The following PKHD1 variants were observed in gnomAD, a reference collection of about 807,000 sequenced individuals.
PKHD1 encodes the protein fibrocystin.
PKHD1 carries 291 observed loss-of-function variants against 412.0 expected under a neutral mutation model. The observed-to-expected ratio is 0.71, with a 90% CI of 0.64 to 0.78. The LOEUF (loss-of-function observed/expected upper bound fraction) is 0.78, where lower values mean the gene tolerates loss of function less well. Among genes scored for constraint, PKHD1 ranks in the 30% least tolerant of loss-of-function variants. PKHD1 has a pLI of 0.00. For synonymous variants in PKHD1, 1,777 were observed against 1,821.5 expected (o/e 0.98, Z 0.62); for missense variants, 4,825 against 4,950.7 (o/e 0.97, Z 0.76).
chr6:51,671,787 G>T (rs974488684), intron 60 of PKHD1, among the ~76,000 whole-genome samples: 17 of 152,118 alleles, frequency 1.1e-4, no homozygotes, highest in Non-Finnish European at 2.9e-5. Context: ...TCAGCTGCAG[G>T]TCTGTTGGGG....
chr6:52,082,471 C>T lies in PKHD1; in HGVS notation c.202G>A (p.Val68Met). The change falls in exon 4 of 67, where the codon GTG (valine) becomes ATG (methionine). Residue 68 changes from valine (V) to methionine (M), a missense_variant. Transcript: ENST00000371117. ...GGAACACTCCGCAGTGCGGGCACCACCATGTTCACGTTCACCAGGTGTATC... is the reference window on the plus strand; with the variant it reads ...GGAACACTCCGCAGTGCGGGCACCATCATGTTCACGTTCACCAGGTGTATC... ...LEIHLVNVNM[V>M]VPALRSVPCD... The T allele has an allele frequency of 6.2e-7, 1 of 1,614,046 alleles. No homozygotes were observed. Among genetic ancestry groups the T allele is most frequent in the Non-Finnish European group, 8.5e-7 (1 of 1,179,910 alleles).
chr6:51,788,941 A>C (rs939980041), intron 53 of PKHD1, among the ~76,000 whole-genome samples: 2 of 152,140 alleles, frequency 1.3e-5, no homozygotes, highest in African/African-American at 4.8e-5. Context: ...CCAGAGGTTG[A>C]CTTGCTTAAG....
chr6:51,771,469 A>C (rs1465662679), intron 55 of PKHD1, among the ~76,000 whole-genome samples: 3 of 152,044 alleles, frequency 2.0e-5, no homozygotes, highest in African/African-American at 7.2e-5. Flanking sequence ...AAGTACAAAA[A>C]TTAGCTGGGC....
At chr6:51,859,525 C>CAA (rs10638642) in intron 48 of PKHD1, among the ~76,000 whole-genome samples, 2,309 of 114,526 alleles carry the variant, frequency 0.02, 51 homozygotes, top group Middle Eastern at 0.038. Context: ...GATTCCGTCC[C>CAA]AAAAAAAAAA....
At chr6:51,737,721 TGTGTGA>T (rs1251146645) in intron 60 of PKHD1, among the ~76,000 whole-genome samples, 3 of 129,754 alleles carry the variant, frequency 2.3e-5, no homozygotes, top group South Asian at 2.4e-4. Flanking sequence ...TGTTTGTGTG[TGTGTGA>T]GTGTGTGTGT....
intron 64 of PKHD1, among the ~76,000 whole-genome samples, chr6:51,633,312 A>T (rs889249451): frequency 2.0e-5 from 3 of 152,164 alleles, no homozygotes; most frequent in Non-Finnish European, 4.4e-5. Flanking sequence ...AACTCCTCCC[A>T]TTTATGGAGA....
At chr6:51,938,591 T>C (rs2127789629) in intron 36 of PKHD1, among the ~76,000 whole-genome samples, 1 of 149,228 alleles carries the variant, frequency 6.7e-6, no homozygotes, top group South Asian at 2.1e-4. Flanking sequence ...TCACTGACTC[T>C]CTTTTCGGAC....
chr6:52,046,947 T>C (rs928748635), intron 23 of PKHD1, among the ~76,000 whole-genome samples: 4 of 152,250 alleles, frequency 2.6e-5, no homozygotes. Context: ...TTCTACCTAC[T>C]CAAGAGCATT....
intron 54 of PKHD1, among the ~76,000 whole-genome samples, 177 bp from the exon 55 acceptor site, chr6:51,772,966 A>AT (rs1488521733): frequency 2.0e-5 from 3 of 152,180 alleles, no homozygotes; most frequent in African/African-American, 7.2e-5. Context: ...ACTAAGATAT[A>AT]TCTCACATGG....
intron 55 of PKHD1, among the ~76,000 whole-genome samples, chr6:51,759,048 A>C (rs529149484): frequency 3.3e-5 from 5 of 152,254 alleles, no homozygotes; most frequent in Non-Finnish European, 7.4e-5. Context: ...ATGGCCACAG[A>C]TTTCTGAACT....
rs372237844 is a variant in PKHD1, at chr6:51,668,089, A to G, written c.10157-8120T>C. ...TTTTTCCAATTCTGTGAAGAAAGTC[A>G]TTGGTAGCTTGATGAGGATGGCACT... On this transcript the variant is annotated intron_variant, in intron 60 of 66. Coordinates refer to ENST00000371117, the MANE Select transcript of PKHD1 (RefSeq NM_138694.4). Among the ~76,000 whole-genome samples, 81 of 152,252 alleles carry G rather than the reference A, an allele frequency of 5.3e-4. 1 individual carries two copies. In the East Asian group the frequency reaches 0.013, roughly 25 times the overall value.
rs770796685 is a variant in PKHD1 at position 52,058,308 on chromosome 6, G to A, written c.1512+15C>T. The A allele has an allele frequency of 1.9e-6, 3 of 1,613,730 alleles. No homozygotes were observed. The highest frequency in any genetic ancestry group is 2.5e-6 in the Non-Finnish European group (3 of 1,179,846). ...TCCAGAGTTCAGCTCCATGGGACTG[G>A]AAAGAGACACAGACCTGTACTTCTG... On this transcript the variant is annotated intron_variant, in intron 16 of 66. Coordinates refer to ENST00000371117, the MANE Select transcript of PKHD1 (RefSeq NM_138694.4).
chr6:51,784,499 C>T (rs904897417), intron 53 of PKHD1, among the ~76,000 whole-genome samples: 3 of 152,096 alleles, frequency 2.0e-5, no homozygotes, highest in African/African-American at 7.2e-5. Context: ...GGGAATTTTC[C>T]AGAAATTGTA....
chr6:51,750,248 C>T (rs1429945997), intron 57 of PKHD1, among the ~76,000 whole-genome samples: 5 of 152,126 alleles, frequency 3.3e-5, no homozygotes, highest in Admixed American at 3.3e-4. Context: ...ATGGTGTGGA[C>T]ATATTCACAG....
At chr6:51,754,489 G>A (rs1016946078) in intron 56 of PKHD1, among the ~76,000 whole-genome samples, 1 of 152,158 alleles carries the variant, frequency 6.6e-6, no homozygotes, top group Admixed American at 6.5e-5. Context: ...ACTGCCCAGT[G>A]ACCTTGAACA....
intron 60 of PKHD1, among the ~76,000 whole-genome samples, chr6:51,719,039 T>C (rs1781592118): frequency 3.9e-5 from 6 of 152,084 alleles, no homozygotes; most frequent in Non-Finnish European, 8.8e-5. Context: ...GGCTAGGATG[T>C]CTGGATACTA....
At chr6:51,629,718 T>G (rs2150291288) in intron 65 of PKHD1, among the ~76,000 whole-genome samples, 1 of 152,304 alleles carries the variant, frequency 6.6e-6, no homozygotes, top group East Asian at 1.9e-4. Context: ...TGCAATTGAA[T>G]TTTGAGCTGA....
chr6:52,058,657 T>C (rs1286990533), intron 15 of PKHD1, 56 bp from the exon 16 acceptor site: 27 of 1,547,266 alleles, frequency 1.7e-5, no homozygotes, highest in Non-Finnish European at 2.3e-5. Flanking sequence ...GGCATCTCTT[T>C]CTCAAACACT....
chr6:51,986,015 T>C (rs1238640576), intron 35 of PKHD1, among the ~76,000 whole-genome samples: 1 of 152,222 alleles, frequency 6.6e-6, no homozygotes, highest in Non-Finnish European at 1.5e-5. Flanking sequence ...TAACAACTTA[T>C]TTATAATCAG....
Sources: allele counts gnomAD v4.1 joint callset (sites outside exome capture counted in the v4.1 genomes callset), GRCh38; gene constraint gnomAD v4.1.1; transcripts MANE v1.5; gene names NCBI Gene and HGNC (gene_info 2026-07-23, HGNC 2026-07-21).